The following ATP13A4 variants were observed in gnomAD, a reference collection of about 807,000 sequenced individuals.
The protein encoded by ATP13A4 is ATPase 13A4.
ATP13A4 carries 114 observed loss-of-function variants against 142.5 expected under a neutral mutation model. The observed-to-expected ratio is 0.80, with a 90% CI of 0.69 to 0.93. The LOEUF is 0.93. Among genes scored for constraint, ATP13A4 ranks in the 40% least tolerant of loss-of-function variants. ATP13A4 has a pLI of 0.00. For missense variants in ATP13A4, 1,392 were observed against 1,454.0 expected (o/e 0.96, Z 0.69); for synonymous variants, 488 against 514.8 (o/e 0.95, Z 0.70).
At chr3:193,485,070 G>GA (rs1389146729) in intron 7 of ATP13A4, among the ~76,000 whole-genome samples, 8 of 151,756 alleles carry the variant, frequency 5.3e-5, no homozygotes, top group Non-Finnish European at 1.0e-4. Context: ...TCTGAGGTTC[G>GA]AAAAAAAGAC....
intron 26 of ATP13A4, 96 bp from the exon 27 acceptor site, chr3:193,412,467 C>T (rs913329050): frequency 1.4e-5 from 16 of 1,115,614 alleles, no homozygotes; most frequent in African/African-American, 6.2e-5. Context: ...GTGTCCAGAG[C>T]AGGCACTCAA....
At chr3:193,407,270 G>A (rs765569306) in intron 29 of ATP13A4, 43 bp downstream of exon 29, 62 of 1,534,896 alleles carry the variant, frequency 4.0e-5, no homozygotes, top group Admixed American at 1.2e-4. Context: ...ACACACATGC[G>A]TGCACACACA....
At chr3:193,522,703 G>C (rs1415023264) in intron 1 of ATP13A4, among the ~76,000 whole-genome samples, 1 of 152,132 alleles carries the variant, frequency 6.6e-6, no homozygotes, top group Non-Finnish European at 1.5e-5. Context: ...CAGGTTCGTA[G>C]GTTCCCCTTA....
rs1391681837 is a variant in ATP13A4, at chr3:193,399,716, C to T, written c.*2936G>A. On this transcript the variant is annotated 3_prime_UTR_variant, in exon 30 of 30. Transcript: ENST00000342695. ...ACAAAAAATTAGCCGGGCATGGTGG[C>T]AGACCTGTAGTCCCAGCTACTTGGG... 1.3e-5 allele frequency among the ~76,000 whole-genome samples: 2 copies of T among 151,922 alleles called. No homozygotes were observed. The highest frequency in any genetic ancestry group is 6.6e-5 in the Admixed American group (1 of 15,246).
At chr3:193,402,903 G>C in intron 29 of ATP13A4, 39 bp from the exon 30 acceptor site, 2 of 1,576,722 alleles carry the variant, frequency 1.3e-6, no homozygotes, top group Non-Finnish European at 1.7e-6. Context: ...AGCAAGGGTT[G>C]AGTGTTTTGA....
At position 193,402,717 on chromosome 3, in the gene ATP13A4, G is replaced by C. The variant is rs778487149; in HGVS notation, c.3526C>G (p.Pro1176Ala). 13 of 1,478,022 alleles carry C rather than the reference G, an allele frequency of 8.8e-6. No individual in the cohort carries two copies. Among genetic ancestry groups the C allele is most frequent in the East Asian group, 2.3e-5 (1 of 44,182 alleles). 91.6% of individuals were successfully genotyped at this position (1,478,022 alleles called of 1,614,324 possible). A position where few individuals can be genotyped will look rare whatever the true frequency, so the allele number is the denominator to read the frequency against. Residue 1176 changes from proline to alanine, a missense_variant, in exon 30 of 30, where the codon CCG becomes GCG. Physicochemically the swap from Pro to Ala is conservative, Grantham distance 27. Transcript: ENST00000342695. ...PLNQTSHSDMPECGRGVSYSN... is the reference protein window; with the variant it reads ...PLNQTSHSDMAECGRGVSYSN... ...TAAGACACTCCTCTGCCACACTCCG[G>C]CATGTCAGAGTGGGAGGTTTGGTTT...
intron 2 of ATP13A4, among the ~76,000 whole-genome samples, chr3:193,509,201 T>C (rs377421134): frequency 1.6e-4 from 24 of 152,316 alleles, no homozygotes; most frequent in African/African-American, 5.5e-4. Context: ...TTAACTCTTA[T>C]CCTTTGGTGC....
Position 193,571,048 on chromosome 3 carries a change from C to T in ATP13A4, n.291+10659G>A, listed in dbSNP as rs541665863. On this transcript the variant is annotated intron_variant and non_coding_transcript_variant, in intron 2 of 3. Coordinates refer to the ATP13A4 transcript ENST00000489140. ...ATCCCAGCACTTTGGGAAGCCAAGG[C>T]GGGTGGGTCAACTGAGGTCAGGAGT... 6.8e-4 allele frequency among the ~76,000 whole-genome samples: 104 copies of T among 152,156 alleles called. 1 individual carries two copies. In the Middle Eastern group the frequency reaches 0.01, roughly 15 times the overall value.
intron 8 of ATP13A4, among the ~76,000 whole-genome samples, chr3:193,480,292 T>G (rs1353697570): frequency 6.6e-6 from 1 of 152,102 alleles, no homozygotes; most frequent in Non-Finnish European, 1.5e-5. Flanking sequence ...TTAATTAAAC[T>G]GAAAAGCTTC....
chr3:193,473,948 T>G (rs1003060449), intron 8 of ATP13A4, among the ~76,000 whole-genome samples: 3 of 152,116 alleles, frequency 2.0e-5, no homozygotes. Context: ...GTCTGACCAT[T>G]AGTTGGGAGA....
At chr3:193,564,700 C>T (rs142592435) in intron 2 of ATP13A4, among the ~76,000 whole-genome samples, 140 of 152,318 alleles carry the variant, frequency 9.2e-4, no homozygotes, top group African/African-American at 3.2e-3. Flanking sequence ...CTAATTATTG[C>T]TTAGCCACTT....
At chr3:193,506,672 G>A (rs1204934621) in intron 2 of ATP13A4, among the ~76,000 whole-genome samples, 1 of 152,132 alleles carries the variant, frequency 6.6e-6, no homozygotes, top group Non-Finnish European at 1.5e-5. Context: ...GGGACCCAGT[G>A]GGGGGTAATT....
chr3:193,531,256 T>C (rs1166760882), intron 1 of ATP13A4, among the ~76,000 whole-genome samples: 1 of 90,706 alleles, frequency 1.1e-5, no homozygotes, highest in East Asian at 3.5e-4. Context: ...TTGTACACAA[T>C]AAGGGCTCAA....
chr3:193,589,892 T>TAA (rs1179068298), intron 1 of ATP13A4, among the ~76,000 whole-genome samples: 1 of 150,394 alleles, frequency 6.6e-6, no homozygotes, highest in African/African-American at 2.5e-5. Context: ...AATGTCATAT[T>TAA]AAATTGTATT....
intron 3 of ATP13A4, among the ~76,000 whole-genome samples, chr3:193,502,089 T>C (rs1288677076): frequency 6.6e-6 from 1 of 152,058 alleles, no homozygotes; most frequent in Non-Finnish European, 1.5e-5. Flanking sequence ...ATCATGCACC[T>C]GTGAATAGCC....
At chr3:193,464,639 C>T (rs962707968) in intron 12 of ATP13A4, among the ~76,000 whole-genome samples, 3 of 152,116 alleles carry the variant, frequency 2.0e-5, no homozygotes, top group Non-Finnish European at 2.9e-5. Context: ...TTTAAATTTT[C>T]GTCTTTGTAT....
chr3:193,569,707 T>A (rs1033845842), intron 2 of ATP13A4, among the ~76,000 whole-genome samples: 15 of 151,716 alleles, frequency 9.9e-5, no homozygotes, highest in East Asian at 3.9e-4. Context: ...AAAAAAAAAA[T>A]TTTGTGTGTG....
intron 2 of ATP13A4, among the ~76,000 whole-genome samples, chr3:193,507,697 C>G (rs976350008): frequency 6.6e-6 from 1 of 152,100 alleles, no homozygotes; most frequent in South Asian, 2.1e-4. Flanking sequence ...GGAAATGGAG[C>G]AGTGGATTAG....
intron 7 of ATP13A4, among the ~76,000 whole-genome samples, chr3:193,487,889 G>A (rs138276115): frequency 2.0e-5 from 3 of 152,124 alleles, no homozygotes; most frequent in African/African-American, 7.2e-5. Context: ...TATCAACATT[G>A]GACTGGTTAA....
Sources: gnomAD v4.1 joint callset for allele counts (sites outside exome capture counted in the v4.1 genomes callset) on GRCh38, gnomAD v4.1.1 for gene constraint, MANE v1.5 for transcripts, NCBI Gene and HGNC (gene_info 2026-07-23, HGNC 2026-07-21) for gene names.